The following ZSCAN5A variants were observed in gnomAD, a reference collection of about 807,000 sequenced individuals.
ZSCAN5A encodes the protein zinc finger and SCAN domain-containing protein 5A.
ZSCAN5A carries 12 observed loss-of-function variants against 23.7 expected under a neutral mutation model. That is an observed-to-expected ratio of 0.51 (90% CI 0.32 to 0.82). The LOEUF (loss-of-function observed/expected upper bound fraction) is 0.82. Ranked by LOEUF, ZSCAN5A falls within the 40% of genes least tolerant of loss-of-function variation. The pLI is 0.03. For missense variants in ZSCAN5A, 597 were observed against 617.9 expected (o/e 0.97, Z 0.36); for synonymous variants, 257 against 239.9 (o/e 1.07, Z -0.66).
chr19:56,279,281 C>CT lies in ZSCAN5A; in HGVS notation c.-128+34001dup, dbSNP rs754688061. ...AGTCACATGGAAGGGAAAAAGATCT[C>CT]TTTTTTTTCCACCCCTACTAGACTG... On this transcript the variant is annotated intron_variant, in intron 2 of 5. Transcript: ENST00000683990. Among the ~76,000 whole-genome samples the CT allele has an allele frequency of 1.3e-3, 204 of 151,900 alleles. 1 individual carries two copies. Among genetic ancestry groups the CT allele is most frequent in the African/African-American group, 2.9e-3 (119 of 41,396 alleles).
intron 2 of ZSCAN5A, among the ~76,000 whole-genome samples, chr19:56,339,357 T>C (rs8101055): frequency 0.15 from 17,820 of 115,700 alleles, 2,072 homozygotes; most frequent in African/African-American, 0.37. Flanking sequence ...TAGCAATATG[T>C]GAAGGAGCGG....
intron 2 of ZSCAN5A, chr19:56,320,239 T>G (rs1295918075): frequency 1.8e-6 from 1 of 551,984 alleles, no homozygotes; most frequent in African/African-American, 1.9e-5. Flanking sequence ...AGTTCAACAA[T>G]CCTGAGTAGG....
chr19:56,351,098 T>C lies in ZSCAN5A; in HGVS notation c.-358+12137A>G, dbSNP rs11667517. Among the ~76,000 whole-genome samples, 9,312 of 152,120 alleles carry C rather than the reference T, an allele frequency of 0.061. 302 individuals are homozygous for C. The highest frequency in any genetic ancestry group is 0.17 in the Middle Eastern group (51 of 294). On this transcript the variant is annotated intron_variant, in intron 2 of 6. Coordinates refer to the ZSCAN5A transcript ENST00000587340. The surrounding 1 kb of genome is among the most constrained non-coding windows in gnomAD (Gnocchi z 4.8). ...TTACTTCTCTTTGAGGGGGGGATAT[T>C]ACAGGAGTTATTAAGAAATCATTTT...
intron 2 of ZSCAN5A, among the ~76,000 whole-genome samples, chr19:56,289,882 G>A (rs1045897460): frequency 6.6e-6 from 1 of 152,100 alleles, no homozygotes; most frequent in Admixed American, 6.5e-5. Flanking sequence ...CCAAAGTGCT[G>A]GGATTACAGG....
intron 2 of ZSCAN5A, among the ~76,000 whole-genome samples, chr19:56,233,059 G>A (rs1025180478): frequency 7.9e-5 from 12 of 152,190 alleles, no homozygotes; most frequent in African/African-American, 2.7e-4. Context: ...GAAGGCAGAG[G>A]CATTCGTTGG....
chr19:56,247,414 AGAG>A, intron 2 of ZSCAN5A: 3 of 179,560 alleles, frequency 1.7e-5, no homozygotes, highest in Non-Finnish European at 3.7e-5. Flanking sequence ...CAAGTGTCTA[AGAG>A]CCTTTCGTCG....
intron 2 of ZSCAN5A, among the ~76,000 whole-genome samples, chr19:56,231,909 C>T (rs2146496281): frequency 1.3e-5 from 2 of 152,252 alleles, no homozygotes; most frequent in South Asian, 4.2e-4. Context: ...GTCCCTCCCA[C>T]AGCTCCATCC....
chr19:56,246,365 A>C, intron 2 of ZSCAN5A: 1 of 519,162 alleles, frequency 1.9e-6, no homozygotes, highest in Non-Finnish European at 3.5e-6. Flanking sequence ...AGTGCCCCAA[A>C]GGCTCTGAGA....
intron 2 of ZSCAN5A, among the ~76,000 whole-genome samples, chr19:56,311,100 G>A (rs1230442858): frequency 6.6e-6 from 1 of 152,068 alleles, no homozygotes; most frequent in Non-Finnish European, 1.5e-5. Context: ...GGGTTTCGTT[G>A]TTGTTGTTGT....
intron 2 of ZSCAN5A, among the ~76,000 whole-genome samples, chr19:56,289,334 T>G (rs1324449177): frequency 6.6e-6 from 1 of 152,182 alleles, no homozygotes; most frequent in East Asian, 1.9e-4. Flanking sequence ...ACCCCATTCA[T>G]TCCTCCAAAG....
intron 2 of ZSCAN5A, among the ~76,000 whole-genome samples, chr19:56,308,668 T>C (rs1221253308): frequency 2.0e-5 from 3 of 151,280 alleles, no homozygotes; most frequent in Non-Finnish European, 2.9e-5. Flanking sequence ...ACATTTTTTT[T>C]CCCGCTCCAT....
chr19:56,238,004 TACACACACAC>T (rs1184097960), intron 2 of ZSCAN5A, among the ~76,000 whole-genome samples: 3 of 5,434 alleles, frequency 5.5e-4, no homozygotes, highest in Non-Finnish European at 1.3e-3. Flanking sequence ...TACGCACACA[TACACACACAC>T]GTCAAAGAAA....
At chr19:56,244,510 G>C in intron 2 of ZSCAN5A, 1 of 1,436,636 alleles carries the variant, frequency 7.0e-7, no homozygotes, top group East Asian at 2.3e-5. Flanking sequence ...GAGGACCCGA[G>C]GGGCTGCTCT....
intron 4 of ZSCAN5A, among the ~76,000 whole-genome samples, chr19:56,223,120 C>T (rs1483480927): frequency 3.9e-5 from 6 of 152,206 alleles, no homozygotes; most frequent in Admixed American, 2.0e-4. Context: ...CTGGAGGGGG[C>T]GCTCCTGTGC....
chr19:56,322,136 G>A, intron 2 of ZSCAN5A: 1 of 766,678 alleles, frequency 1.3e-6, no homozygotes, highest in Non-Finnish European at 2.4e-6. Flanking sequence ...CAGTAGCTGA[G>A]CGTCTCTGGA....
intron 2 of ZSCAN5A, chr19:56,348,055 A>C (rs2041645685): frequency 6.6e-6 from 1 of 152,254 alleles, no homozygotes; most frequent in Non-Finnish European, 1.5e-5. Flanking sequence ...AATTGCCCCC[A>C]GAGGCGGAGG....
At chr19:56,253,210 T>C (rs2036472605) in intron 2 of ZSCAN5A, among the ~76,000 whole-genome samples, 2 of 151,244 alleles carry the variant, frequency 1.3e-5, no homozygotes, top group South Asian at 2.1e-4. Flanking sequence ...CCTGGGAATT[T>C]TGAGCTGTGA....
At chr19:56,342,856 C>A in intron 2 of ZSCAN5A, 2 of 942,206 alleles carry the variant, frequency 2.1e-6, no homozygotes. Context: ...CCCCTGGAAT[C>A]CTGGATATCA....
At chr19:56,271,561 A>G (rs1438036378) in intron 2 of ZSCAN5A, among the ~76,000 whole-genome samples, 2 of 152,212 alleles carry the variant, frequency 1.3e-5, no homozygotes. Context: ...CAAATGGCCA[A>G]CAAGAACTCT....
Sources: allele counts gnomAD v4.1 joint callset (sites outside exome capture counted in the v4.1 genomes callset), GRCh38; gene constraint gnomAD v4.1.1; non-coding constraint Gnocchi (gnomAD v3.1); transcripts MANE v1.5; gene names NCBI Gene and HGNC (gene_info 2026-07-23, HGNC 2026-07-21).